The following FANCB variants were observed in gnomAD, a reference collection of about 807,000 sequenced individuals.
FANCB encodes the protein Fanconi anemia group B protein.
A neutral mutation model predicts 38.9 loss-of-function variants in FANCB; 5 were observed. The observed-to-expected ratio is 0.13, with a 90% confidence interval of 0.07 to 0.27. FANCB has a LOEUF of 0.27. Ranked by LOEUF, FANCB falls within the 10% of genes least tolerant of loss-of-function variation. The pLI is 1.00. For synonymous variants in FANCB, 236 were observed against 215.4 expected, an observed-to-expected ratio of 1.10 and a Z score of -0.84; for missense variants, 573 against 602.7, an observed-to-expected ratio of 0.95 and a Z score of 0.52.
At chrX:14,853,694 T>C (rs1374178956) in intron 5 of FANCB, among the ~76,000 whole-genome samples, 1 of 112,206 alleles carries the variant, frequency 8.9e-6, no homozygotes, top group Non-Finnish European at 1.9e-5. Flanking sequence ...CCCCAAACTA[T>C]GTTTATTTTT....
At chrX:14,787,013 T>C in the FANCB span, among the ~76,000 whole-genome samples, 1 of 110,999 alleles carries the variant, frequency 9.0e-6, no homozygotes, top group Admixed American at 9.6e-5. Context: ...CTGAGAAAAG[T>C]TAATTTTTAT....
At chrX:14,834,912 C>T, downstream of FANCB, 1 of 816,555 alleles carries the variant, frequency 1.2e-6, no homozygotes, top group East Asian at 3.2e-5. Context: ...TCCAGATATA[C>T]TTAAGAGTTT....
the FANCB span, among the ~76,000 whole-genome samples, chrX:14,718,839 T>C: frequency 9.0e-6 from 1 of 111,666 alleles, no homozygotes; most frequent in East Asian, 2.8e-4. Flanking sequence ...TTTTATGAAC[T>C]AACATTGGAA....
downstream of FANCB, among the ~76,000 whole-genome samples, chrX:14,840,040 A>T (rs114791467): frequency 0.022 from 2,453 of 111,355 alleles, 59 homozygotes; most frequent in African/African-American, 0.076. Context: ...TTTTTAGTAC[A>T]GACAAGGTTT....
At chrX:14,713,339 T>G in the FANCB span, among the ~76,000 whole-genome samples, 2 of 112,265 alleles carry the variant, frequency 1.8e-5, no homozygotes, top group Admixed American at 1.9e-4. Context: ...ATGTTCACCT[T>G]CATGCTTCTT....
chrX:14,750,335 G>T, the FANCB span, among the ~76,000 whole-genome samples: 1 of 111,797 alleles, frequency 8.9e-6, no homozygotes, highest in African/African-American at 3.3e-5. Context: ...CAAAGCAACG[G>T]ATTGGCAGGT....
the FANCB span, among the ~76,000 whole-genome samples, chrX:14,696,732 T>C: frequency 8.9e-6 from 1 of 111,779 alleles, no homozygotes; most frequent in East Asian, 2.8e-4. Context: ...GAAAAAGATA[T>C]GGTTTGGGCA....
chrX:14,769,296 C>CT, the FANCB span, among the ~76,000 whole-genome samples: 2 of 111,153 alleles, frequency 1.8e-5, no homozygotes, highest in African/African-American at 6.5e-5. Flanking sequence ...GGGTCCTGGG[C>CT]TTTTTTTGCT....
chrX:14,758,784 A>G, the FANCB span, among the ~76,000 whole-genome samples: 2 of 111,847 alleles, frequency 1.8e-5, no homozygotes, highest in Non-Finnish European at 3.8e-5. Context: ...AAGGAAGCAG[A>G]GAGACAATTC....
intron 1 of FANCB, among the ~76,000 whole-genome samples, chrX:14,870,144 G>A (rs2092488455): frequency 9.0e-6 from 1 of 111,629 alleles, no homozygotes; most frequent in African/African-American, 3.3e-5. Context: ...TAAGACAGTA[G>A]ATATTAAGTA....
chrX:14,797,709 G>A, the FANCB span, among the ~76,000 whole-genome samples: 2 of 108,185 alleles, frequency 1.8e-5, no homozygotes, highest in East Asian at 5.8e-4. Context: ...GAGAGAGAGA[G>A]AGAAAGAAAT....
the FANCB span, among the ~76,000 whole-genome samples, chrX:14,758,343 G>A: frequency 1.8e-5 from 2 of 111,828 alleles, no homozygotes; most frequent in South Asian, 3.7e-4. Context: ...TCCACCCACC[G>A]TCTCATCCTC....
intron 5 of FANCB, among the ~76,000 whole-genome samples, chrX:14,854,124 A>G (rs1263122994): frequency 6.2e-5 from 7 of 112,074 alleles, no homozygotes; most frequent in African/African-American, 6.5e-5. Flanking sequence ...CAAAGTATGT[A>G]AAGTGTCTAG....
the FANCB span, among the ~76,000 whole-genome samples, chrX:14,783,815 G>T: frequency 8.9e-6 from 1 of 112,863 alleles, no homozygotes; most frequent in African/African-American, 3.2e-5. Context: ...AGCTATAAAT[G>T]CCAAGGAATG....
intron 2 of FANCB, among the ~76,000 whole-genome samples, chrX:14,865,812 C>T (rs888402510): frequency 8.9e-5 from 10 of 111,849 alleles, no homozygotes; most frequent in Middle Eastern, 4.7e-3. Context: ...AAAAAGATAA[C>T]TGAATGTGTC....
At chrX:14,816,506 G>C in the FANCB span, among the ~76,000 whole-genome samples, 1 of 111,583 alleles carries the variant, frequency 9.0e-6, no homozygotes, top group Non-Finnish European at 1.9e-5. Flanking sequence ...ATTAATGGGG[G>C]AATGAGAGCT....
chrX:14,820,730 T>C, the FANCB span, among the ~76,000 whole-genome samples: 1 of 111,317 alleles, frequency 9.0e-6, no homozygotes, highest in Non-Finnish European at 1.9e-5. Context: ...GAAAGATAGA[T>C]AGCAATGATC....
chrX:14,802,712 T>C, the FANCB span, among the ~76,000 whole-genome samples: 1 of 111,358 alleles, frequency 9.0e-6, no homozygotes, highest in African/African-American at 3.3e-5. Context: ...AAATTGAAAA[T>C]TGGTGAAGAA....
chrX:14,834,484 C>T (rs2092335807), downstream of FANCB: 4 of 498,229 alleles, frequency 8.0e-6, no homozygotes, highest in Non-Finnish European at 1.5e-5. Flanking sequence ...AAGAGACTTC[C>T]TCCACTGCCA....
Sources: gnomAD v4.1 joint callset for allele counts (sites outside exome capture counted in the v4.1 genomes callset) on GRCh38, gnomAD v4.1.1 for gene constraint, MANE v1.5 for transcripts, NCBI Gene and HGNC (gene_info 2026-07-23, HGNC 2026-07-21) for gene names.